PTPRO: variants seen among roughly 807,000 people sequenced by gnomAD.
PTPRO encodes receptor-type tyrosine-protein phosphatase O.
Under a neutral mutation model 145.2 loss-of-function variants are expected in PTPRO, and 62 were observed. That is an observed-to-expected ratio of 0.43 (90% confidence interval 0.35 to 0.53). The LOEUF (loss-of-function observed/expected upper bound fraction) is 0.53. PTPRO is among the 20% of genes least tolerant of loss of function. The pLI is 0.01. For missense variants in PTPRO, 1,345 were observed against 1,482.7 expected, an observed-to-expected ratio of 0.91 and a Z score of 1.53; for synonymous variants, 565 against 514.7, an observed-to-expected ratio of 1.10 and a Z score of -1.32.
chr12:15,467,576 G>A (rs763830410), intron 1 of PTPRO, among the ~76,000 whole-genome samples: 1 of 152,032 alleles, frequency 6.6e-6, no homozygotes. Flanking sequence ...AACTAATGCA[G>A]TCATATCCAC....
chr12:15,533,700 T>C lies in PTPRO; in HGVS notation c.2164+7438T>C, dbSNP rs191601963. Among the ~76,000 whole-genome samples, 451 of 152,322 alleles carry C rather than the reference T, an allele frequency of 3.0e-3. 3 individuals are homozygous for C. Among genetic ancestry groups the C allele is most frequent in the African/African-American group, 0.011 (440 of 41,578 alleles). ...AACTTTCATTCTAGTTGTTTTATGT[T>C]TCTTCCCAGCATTCATTTTGATATA... On this transcript the variant is annotated intron_variant, in intron 12 of 26. Transcript: ENST00000281171.
chr12:15,422,772 T>A (rs77438517), intron 1 of PTPRO, among the ~76,000 whole-genome samples: 5,861 of 152,260 alleles, frequency 0.038, 407 homozygotes, highest in African/African-American at 0.13. Flanking sequence ...AATAAGATAT[T>A]AAATATTTTG....
At chr12:15,535,571 T>C (rs1943050517) in intron 12 of PTPRO, among the ~76,000 whole-genome samples, 1 of 152,262 alleles carries the variant, frequency 6.6e-6, no homozygotes, top group Non-Finnish European at 1.5e-5. Context: ...AATTCAGTGC[T>C]ATGTCCTCAT....
chr12:15,397,369 A>G (rs1317156868), intron 1 of PTPRO, among the ~76,000 whole-genome samples: 2 of 152,160 alleles, frequency 1.3e-5, no homozygotes, highest in East Asian at 3.8e-4. Context: ...AATATCATTA[A>G]CTCATTTTAT....
chr12:15,573,852 C>G (rs1180134792), intron 19 of PTPRO, among the ~76,000 whole-genome samples: 1 of 152,156 alleles, frequency 6.6e-6, no homozygotes, highest in Non-Finnish European at 1.5e-5. Flanking sequence ...TATGCTGGAC[C>G]TTTCACATGG....
At chr12:15,367,992 A>C (rs1938414174) in intron 1 of PTPRO, among the ~76,000 whole-genome samples, 1 of 152,202 alleles carries the variant, frequency 6.6e-6, no homozygotes, top group African/African-American at 2.4e-5. Context: ...AAGACTGCTT[A>C]CTTTACTCAT....
chr12:15,328,172 C>A (rs1395346391), intron 1 of PTPRO, among the ~76,000 whole-genome samples: 1 of 151,718 alleles, frequency 6.6e-6, no homozygotes, highest in Non-Finnish European at 1.5e-5. Context: ...CTCATGTAAT[C>A]TGCTATCACC....
chr12:15,501,027 T>A (rs1942211344), intron 4 of PTPRO, among the ~76,000 whole-genome samples: 2 of 152,232 alleles, frequency 1.3e-5, no homozygotes, highest in African/African-American at 2.4e-5. Flanking sequence ...TGCGTCTTCA[T>A]AATTTTCTCC....
chr12:15,523,016 T>C (rs1290354850), intron 10 of PTPRO, among the ~76,000 whole-genome samples: 1 of 152,242 alleles, frequency 6.6e-6, no homozygotes, highest in Non-Finnish European at 1.5e-5. Context: ...TATTTTCCTT[T>C]AGTAGAATAT....
At chr12:15,455,565 C>T (rs1333295446) in intron 1 of PTPRO, among the ~76,000 whole-genome samples, 1 of 152,114 alleles carries the variant, frequency 6.6e-6, no homozygotes, top group African/African-American at 2.4e-5. Flanking sequence ...TCATTTACCA[C>T]TATAATTATG....
rs544197208 is a variant in PTPRO at position 15,390,566 on chromosome 12, T to C, written c.75+67765T>C. On this transcript the variant is annotated intron_variant, in intron 1 of 26. Transcript: ENST00000281171. ...CACGCGGGAATTATGGGAGCTACAA[T>C]TCAAGATAAGATTTGGGTGGAGACA... is the stretch of plus-strand genomic sequence containing the variant. Among the ~76,000 whole-genome samples the C allele has an allele frequency of 5.7e-4, 87 of 152,206 alleles. No individual in the cohort carries two copies. In the South Asian group the frequency reaches 0.016, roughly 29 times the overall value.
intron 1 of PTPRO, among the ~76,000 whole-genome samples, chr12:15,362,763 T>TAAATA (rs1223547381): frequency 6.6e-6 from 1 of 151,968 alleles, no homozygotes; most frequent in Non-Finnish European, 1.5e-5. Context: ...AGCTCCAAAA[T>TAAATA]AAATAAAATA....
intron 1 of PTPRO, among the ~76,000 whole-genome samples, chr12:15,408,505 G>A (rs1046337500): frequency 2.7e-4 from 41 of 152,078 alleles, no homozygotes; most frequent in African/African-American, 9.9e-4. Context: ...CTCCCTCACT[G>A]CAAACTCCGC....
chr12:15,471,238 G>C (rs1428094820), intron 1 of PTPRO, among the ~76,000 whole-genome samples: 1 of 152,072 alleles, frequency 6.6e-6, no homozygotes, highest in Non-Finnish European at 1.5e-5. Flanking sequence ...AAAATAAGCA[G>C]ATTTGGTGTC....
intron 19 of PTPRO, among the ~76,000 whole-genome samples, chr12:15,573,420 C>T (rs1026126624): frequency 3.9e-5 from 6 of 152,176 alleles, no homozygotes; most frequent in Admixed American, 3.9e-4. Context: ...GGCCAAGCAA[C>T]TGGACACTAT....
intron 2 of PTPRO, among the ~76,000 whole-genome samples, chr12:15,489,622 A>G (rs574100972): frequency 6.6e-6 from 1 of 152,162 alleles, no homozygotes; most frequent in Non-Finnish European, 1.5e-5. Flanking sequence ...GGACAACCAG[A>G]GGTCAGTCTC....
rs776301808 is a variant in PTPRO at position 15,515,655 on chromosome 12, A to G, written c.1585+37A>G. ...GCCACAAGAAGAATGACTGACCTAT[A>G]TATTAGGGTATTGACGGAGGGGTGC... On this transcript the variant is annotated intron_variant, in intron 8 of 26. Transcript: ENST00000281171. 7 of 1,612,836 alleles carry G rather than the reference A, an allele frequency of 4.3e-6. No homozygotes were observed. The Admixed American group carries it at 5.0e-5, about 12-fold the overall frequency.
chr12:15,534,326 C>A (rs1305542334), intron 12 of PTPRO, among the ~76,000 whole-genome samples: 2 of 152,118 alleles, frequency 1.3e-5, no homozygotes, highest in African/African-American at 4.8e-5. Context: ...AGGAATGAGA[C>A]GTGTTGGACA....
intron 1 of PTPRO, among the ~76,000 whole-genome samples, chr12:15,394,658 A>G (rs1473445246): frequency 6.6e-6 from 1 of 152,180 alleles, no homozygotes; most frequent in Non-Finnish European, 1.5e-5. Context: ...ACGATTTCTG[A>G]TTACCATCTT....
Sources: gnomAD v4.1 joint callset for allele counts (sites outside exome capture counted in the v4.1 genomes callset) on GRCh38, gnomAD v4.1.1 for gene constraint, MANE v1.5 for transcripts, NCBI Gene and HGNC (gene_info 2026-07-23, HGNC 2026-07-21) for gene names.